The following PCDHGA6 variants were observed in gnomAD, a reference collection of about 807,000 sequenced individuals.
PCDHGA6 encodes the protein protocadherin gamma subfamily A, 6.
In PCDHGA6, 41 loss-of-function variants were observed where a neutral mutation model predicts 60.6. That is an observed-to-expected ratio of 0.68 (90% CI 0.53 to 0.88). The LOEUF (loss-of-function observed/expected upper bound fraction) is 0.88. Ranked by LOEUF, PCDHGA6 falls within the 40% of genes least tolerant of loss-of-function variation. The pLI, the probability that PCDHGA6 is intolerant of heterozygous loss-of-function variation, is 0.00. For synonymous variants in PCDHGA6, 594 were observed against 524.4 expected, an observed-to-expected ratio of 1.13 and a Z score of -1.81; for missense variants, 1,312 against 1,203.0, an observed-to-expected ratio of 1.09 and a Z score of -1.34.
At chr5:141,503,396 A>G (rs1025780031) in intron 2 of PCDHGA6, among the ~76,000 whole-genome samples, 2 of 151,944 alleles carry the variant, frequency 1.3e-5, no homozygotes, top group African/African-American at 2.4e-5. Flanking sequence ...GGAGTTCGAA[A>G]CCAACCTGGC....
intron 1 of PCDHGA6, chr5:141,399,723 C>T: frequency 6.2e-7 from 1 of 1,613,322 alleles, no homozygotes; most frequent in Non-Finnish European, 8.5e-7. Flanking sequence ...AGGCCCGCGA[C>T]CAGGGCTCGC....
At chr5:141,413,631 G>A in intron 1 of PCDHGA6, 4 of 1,613,750 alleles carry the variant, frequency 2.5e-6, no homozygotes, top group Admixed American at 1.7e-5. Context: ...ATGTCGCTGC[G>A]GGAATGCGTT....
At chr5:141,434,070 T>C (rs1004240895) in intron 1 of PCDHGA6, among the ~76,000 whole-genome samples, 3 of 152,226 alleles carry the variant, frequency 2.0e-5, no homozygotes, top group Non-Finnish European at 2.9e-5. Context: ...TCTGTTAATA[T>C]CAATTATTTA....
At chr5:141,400,166 C>T (rs370071207) in intron 1 of PCDHGA6, 80 of 1,613,954 alleles carry the variant, frequency 5.0e-5, no homozygotes, top group South Asian at 7.7e-5. Context: ...CCCTCTGACC[C>T]CCAGGCTGAG....
intron 1 of PCDHGA6, chr5:141,399,670 G>A (rs2093861747): frequency 6.2e-7 from 1 of 1,613,610 alleles, no homozygotes; most frequent in Non-Finnish European, 8.5e-7. Flanking sequence ...CGCGCAGCGC[G>A]CCTTTGACTA....
Position 141,387,188 on chromosome 5 carries a change from A to AT in PCDHGA6, c.2424+10685dup, listed in dbSNP as rs756053244. On this transcript the variant is annotated intron_variant, in intron 1 of 3. Transcript: ENST00000517434. ...TATAAATTGCACCTTCTAAAAGGCA[A>AT]TTTTGGTATTACTGATACTCTCCGG... is the stretch of plus-strand genomic sequence containing the variant. Among the ~76,000 whole-genome samples the AT allele has an allele frequency of 1.8e-3, 273 of 152,232 alleles. 6 individuals carry two copies. Among genetic ancestry groups the AT allele is most frequent in the Non-Finnish European group, 6.8e-4 (46 of 68,046 alleles).
intron 1 of PCDHGA6, among the ~76,000 whole-genome samples, chr5:141,492,421 C>G (rs986772215): frequency 5.9e-5 from 9 of 152,250 alleles, no homozygotes; most frequent in African/African-American, 1.9e-4. Context: ...CTCCCTCCGC[C>G]GGGCTCAGGA....
At chr5:141,494,758 T>A (rs370692038) in intron 1 of PCDHGA6, 49 bp from the exon 2 acceptor site, 2 of 1,613,800 alleles carry the variant, frequency 1.2e-6, no homozygotes, top group Admixed American at 3.3e-5. Context: ...CGGGTGACAT[T>A]CTAACTTCTC....
Position 141,477,983 on chromosome 5 carries a change from C to T in PCDHGA6, c.2425-16824C>T. 1 of 1,614,126 alleles carries T rather than the reference C, an allele frequency of 6.2e-7. No individual in the cohort carries two copies. Among genetic ancestry groups the T allele is most frequent in the Non-Finnish European group, 8.5e-7 (1 of 1,180,024 alleles). ...TAACCAGAGCCTTTTTGCCATAGGGCTGCACACTGGTCAAATCAGTACTGC... is the reference window on the plus strand; with the variant it reads ...TAACCAGAGCCTTTTTGCCATAGGGTTGCACACTGGTCAAATCAGTACTGC... On this transcript the variant is annotated intron_variant, in intron 1 of 3. Coordinates refer to ENST00000517434, the MANE Select transcript of PCDHGA6 (RefSeq NM_018919.3). The surrounding 1 kb of genome is among the most constrained non-coding windows in gnomAD (Gnocchi z 4.9).
chr5:141,430,560 G>T (rs1184226832), intron 1 of PCDHGA6: 1 of 420,160 alleles, frequency 2.4e-6, no homozygotes, highest in Non-Finnish European at 4.1e-6. Context: ...ACCAATCGGG[G>T]AGAGAAAAGC....
intron 2 of PCDHGA6, among the ~76,000 whole-genome samples, chr5:141,500,311 C>T (rs2099799036): frequency 2.0e-5 from 3 of 152,072 alleles, no homozygotes; most frequent in African/African-American, 7.2e-5. Context: ...CAGGTTCACG[C>T]CATGCTCCTG....
chr5:141,480,240 CA>C lies in PCDHGA6; in HGVS notation c.2425-14552del, dbSNP rs11374694. 4.6e-3 allele frequency among the ~76,000 whole-genome samples: 522 copies of C among 113,846 alleles called. 1 individual carries two copies. Among genetic ancestry groups the C allele is most frequent in the Non-Finnish European group, 5.4e-3 (287 of 52,954 alleles). 74.7% of individuals were successfully genotyped at this position (113,846 alleles called of 152,430 possible). A position where few individuals can be genotyped will look rare whatever the true frequency, so the allele number is the denominator to read the frequency against. ...GCGACATAGTGAGATCCTGTCTCTACAAAAAAAAAAAAAAATGTGTTTTCAT... is the reference window on the plus strand; with the variant it reads ...GCGACATAGTGAGATCCTGTCTCTACAAAAAAAAAAAAAATGTGTTTTCAT... On this transcript the variant is annotated intron_variant, in intron 1 of 3. Coordinates refer to ENST00000517434, the MANE Select transcript of PCDHGA6 (RefSeq NM_018919.3).
intron 1 of PCDHGA6, chr5:141,394,722 G>A (rs1483795023): frequency 2.5e-6 from 4 of 1,613,314 alleles, no homozygotes; most frequent in Admixed American, 3.3e-5. Flanking sequence ...GGACAGAGAT[G>A]CGCTCAAGCA....
chr5:141,482,109 C>G (rs972542276), intron 1 of PCDHGA6, among the ~76,000 whole-genome samples: 2 of 149,582 alleles, frequency 1.3e-5, no homozygotes, highest in African/African-American at 2.5e-5. Context: ...AAAAAAATAT[C>G]TAGAGATGGG....
chr5:141,417,141 C>T (rs1455831459), intron 1 of PCDHGA6: 1 of 152,018 alleles, frequency 6.6e-6, no homozygotes, highest in Non-Finnish European at 1.5e-5. Context: ...ATGACTAGGG[C>T]AATGGTTGCA....
intron 1 of PCDHGA6, among the ~76,000 whole-genome samples, chr5:141,482,144 G>C (rs564178008): frequency 1.3e-4 from 20 of 151,858 alleles, no homozygotes; most frequent in Admixed American, 9.8e-4. Flanking sequence ...GGCATAAAAA[G>C]GTCAAGTCAA....
Position 141,383,201 on chromosome 5 carries a change from G to A in PCDHGA6, c.2424+6694G>A, listed in dbSNP as rs368180461. ...GAAGAGATCTGCGCTCAGAGTGCGCGGTGTCTGGTAAACTTTAACATCCTG... is the reference window on the plus strand; with the variant it reads ...GAAGAGATCTGCGCTCAGAGTGCGCAGTGTCTGGTAAACTTTAACATCCTG... On this transcript the variant is annotated intron_variant, in intron 1 of 3. Coordinates refer to ENST00000517434, the MANE Select transcript of PCDHGA6 (RefSeq NM_018919.3). 4.3e-6 allele frequency: 7 copies of A among 1,613,882 alleles called. No individual in the cohort carries two copies. In the African/African-American group the frequency reaches 9.3e-5, roughly 22 times the overall value.
intron 1 of PCDHGA6, chr5:141,484,876 A>T (rs1461505847): frequency 6.3e-6 from 2 of 315,126 alleles, no homozygotes; most frequent in Admixed American, 9.4e-5. Flanking sequence ...CGTGGAGGAT[A>T]GGGTGGGCTT....
At chr5:141,407,547 T>C (rs895082728) in intron 1 of PCDHGA6, among the ~76,000 whole-genome samples, 1 of 151,860 alleles carries the variant, frequency 6.6e-6, no homozygotes, top group Non-Finnish European at 1.5e-5. Flanking sequence ...GGTAACAGAT[T>C]GTAGAACATA....
Sources: gnomAD v4.1 joint callset for allele counts (sites outside exome capture counted in the v4.1 genomes callset) on GRCh38, gnomAD v4.1.1 for gene constraint, Gnocchi (gnomAD v3.1) non-coding constraint, MANE v1.5 for transcripts, NCBI Gene and HGNC (gene_info 2026-07-23, HGNC 2026-07-21) for gene names.